The following UBASH3B variants were observed in gnomAD, a reference collection of about 807,000 sequenced individuals.
UBASH3B encodes ubiquitin-associated and SH3 domain-containing protein B.
In UBASH3B, 37 loss-of-function variants were observed where a neutral mutation model predicts 83.4. That is an observed-to-expected ratio of 0.44 (90% CI 0.34 to 0.58). The LOEUF is 0.58. Among genes scored for constraint, UBASH3B ranks in the 20% least tolerant of loss-of-function variants. The probability of loss-of-function intolerance (pLI) is 0.01; values close to 1 mark genes in which losing one functional copy is unlikely to be tolerated. For synonymous variants in UBASH3B, 304 were observed against 318.3 expected (o/e 0.96, Z 0.48); for missense variants, 657 against 827.2 (o/e 0.79, Z 2.52).
chr11:122,803,671 G>A (rs1328774788), intron 11 of UBASH3B, among the ~76,000 whole-genome samples: 3 of 152,178 alleles, frequency 2.0e-5, no homozygotes, highest in African/African-American at 7.2e-5. Context: ...GGGGACTGGG[G>A]GAGGGTATGG....
chr11:122,661,398 T>G (rs1473511744), intron 1 of UBASH3B, among the ~76,000 whole-genome samples: 1 of 152,226 alleles, frequency 6.6e-6, no homozygotes, highest in Non-Finnish European at 1.5e-5. Context: ...TTTTCCAGCT[T>G]ACCTGTTGGT....
At chr11:122,748,454 C>G (rs867572916) in intron 1 of UBASH3B, among the ~76,000 whole-genome samples, 2 of 152,196 alleles carry the variant, frequency 1.3e-5, no homozygotes, top group African/African-American at 4.8e-5. Flanking sequence ...CCTGTGCACT[C>G]GGAGAATTCT....
At chr11:122,674,190 G>T (rs1032401303) in intron 1 of UBASH3B, among the ~76,000 whole-genome samples, 2 of 152,218 alleles carry the variant, frequency 1.3e-5, no homozygotes, top group African/African-American at 4.8e-5. Context: ...ACACAGAGAT[G>T]TAAACGGTGC....
intron 1 of UBASH3B, among the ~76,000 whole-genome samples, chr11:122,769,151 A>G (rs917827497): frequency 6.6e-6 from 1 of 152,228 alleles, no homozygotes; most frequent in Non-Finnish European, 1.5e-5. Flanking sequence ...GCTTCTGTCA[A>G]GAACCTCAGG....
intron 1 of UBASH3B, among the ~76,000 whole-genome samples, chr11:122,696,063 C>G (rs1863961422): frequency 6.6e-6 from 1 of 152,150 alleles, no homozygotes; most frequent in Non-Finnish European, 1.5e-5. Flanking sequence ...GAATCTCCTG[C>G]CTCAGCCACC....
In UBASH3B at chr11:122,777,078, C is replaced by T. The variant is rs753533198; in HGVS notation, c.270C>T (p.Tyr90=). The T allele has an allele frequency of 6.2e-6, 10 of 1,613,730 alleles. No individual in the cohort carries two copies. The highest frequency in any genetic ancestry group is 1.7e-5 in the Admixed American group (1 of 59,974). Residue 90 remains tyrosine, a synonymous_variant, in exon 3 of 14, where the codon TAC becomes TAT. Coordinates refer to ENST00000284273, the MANE Select transcript of UBASH3B (RefSeq NM_032873.5). Reference sequence around the variant, plus strand: ...TGGATGACCCCCTGCCCCGGGAGTACGTCCTCTACCTCCGTCCCACCGGCC... The same window carrying T: ...TGGATGACCCCCTGCCCCGGGAGTATGTCCTCTACCTCCGTCCCACCGGCC... The part of the protein sequence containing the change: ...PFLDDPLPRE[Y]VLYLRPTGPL...
intron 11 of UBASH3B, 123 bp downstream of exon 11, chr11:122,801,455 G>A (rs1861258274): frequency 7.8e-6 from 9 of 1,150,724 alleles, no homozygotes; most frequent in Non-Finnish European, 1.1e-5. Flanking sequence ...CCATAGTGGT[G>A]GAAAACGAGC....
At chr11:122,784,546 A>C (rs1226786350) in intron 5 of UBASH3B, among the ~76,000 whole-genome samples, 6 of 152,312 alleles carry the variant, frequency 3.9e-5, no homozygotes, top group African/African-American at 1.4e-4. Context: ...TTCCAACTTA[A>C]CTACATTTAT....
intron 1 of UBASH3B, among the ~76,000 whole-genome samples, chr11:122,751,310 T>A (rs1252834751): frequency 1.3e-5 from 2 of 152,226 alleles, no homozygotes; most frequent in Admixed American, 1.3e-4. Flanking sequence ...CCCAGAAGCC[T>A]CCTGAATGCT....
chr11:122,679,787 C>T (rs926105105), intron 1 of UBASH3B, among the ~76,000 whole-genome samples: 1 of 152,066 alleles, frequency 6.6e-6, no homozygotes, highest in Non-Finnish European at 1.5e-5. Context: ...ATATAATTTC[C>T]ATCAGTCACA....
At chr11:122,784,959 A>G (rs6589953) in intron 5 of UBASH3B, among the ~76,000 whole-genome samples, 140,562 of 152,152 alleles carry the variant, frequency 0.92, 65,091 homozygotes, top group African/African-American at 0.97. Flanking sequence ...GGGAGGTGTG[A>G]CTGGTTGGAC....
At chr11:122,710,732 G>A (rs771676755) in intron 1 of UBASH3B, among the ~76,000 whole-genome samples, 1 of 152,224 alleles carries the variant, frequency 6.6e-6, no homozygotes, top group East Asian at 1.9e-4. Context: ...GGAGGGGGAC[G>A]GGGCATGTAG....
chr11:122,769,441 GA>G (rs1340720463), intron 1 of UBASH3B, among the ~76,000 whole-genome samples: 4 of 152,182 alleles, frequency 2.6e-5, no homozygotes, highest in Non-Finnish European at 5.9e-5. Context: ...TTTAAAGTCT[GA>G]AGTGCCTGGT....
rs146339030 is a variant in UBASH3B, at chr11:122,685,786, C to T, written c.161+29576C>T. Among the ~76,000 whole-genome samples, 115 of 152,378 alleles carry T rather than the reference C, an allele frequency of 7.5e-4. 1 individual carries two copies. The highest frequency in any genetic ancestry group is 2.7e-3 in the African/African-American group (114 of 41,598). Reference sequence around the variant, plus strand: ...CCACCCGCCTTGGCCTCCCAAAGTGCTGGGATTACAGGCGTGAGCTACCAC... The same window carrying T: ...CCACCCGCCTTGGCCTCCCAAAGTGTTGGGATTACAGGCGTGAGCTACCAC... On this transcript the variant is annotated intron_variant, in intron 1 of 13. Coordinates refer to ENST00000284273, the MANE Select transcript of UBASH3B (RefSeq NM_032873.5).
At chr11:122,681,261 C>T (rs1283543914) in intron 1 of UBASH3B, among the ~76,000 whole-genome samples, 1 of 152,136 alleles carries the variant, frequency 6.6e-6, no homozygotes, top group African/African-American at 2.4e-5. Flanking sequence ...TTTCTTGTGA[C>T]AAAATCCAAG....
intron 11 of UBASH3B, among the ~76,000 whole-genome samples, chr11:122,804,998 C>T (rs1418737924): frequency 6.6e-6 from 1 of 152,144 alleles, no homozygotes; most frequent in African/African-American, 2.4e-5. Context: ...GGCACCGGGA[C>T]AGGAAGCCTA....
chr11:122,719,215 A>T (rs146879861), intron 1 of UBASH3B, among the ~76,000 whole-genome samples: 1 of 152,320 alleles, frequency 6.6e-6, no homozygotes, highest in East Asian at 1.9e-4. Context: ...AATAATTGGG[A>T]GTGCCCGGAA....
chr11:122,800,673 A>G (rs1212770493), intron 10 of UBASH3B, among the ~76,000 whole-genome samples: 2 of 152,008 alleles, frequency 1.3e-5, no homozygotes, highest in Non-Finnish European at 2.9e-5. Flanking sequence ...CAGCTGCACA[A>G]TCTTGGCTCA....
In UBASH3B at chr11:122,789,087, C is replaced by T. The variant is rs774447691; in HGVS notation, c.772-13C>T. 3 of 1,608,214 alleles carry T rather than the reference C, an allele frequency of 1.9e-6. No homozygotes were observed. The highest frequency in any genetic ancestry group is 3.3e-5 in the Admixed American group (2 of 59,920). On this transcript the variant is annotated splice_polypyrimidine_tract_variant and intron_variant, in intron 5 of 13. Transcript: ENST00000284273. ...GAGGCATGGGGCTCACTCACCCTCT[C>T]TTCCTTTTCCAGACATTACAGGTCA...
Sources: allele counts gnomAD v4.1 joint callset (sites outside exome capture counted in the v4.1 genomes callset), GRCh38; gene constraint gnomAD v4.1.1; transcripts MANE v1.5; gene names NCBI Gene and HGNC (gene_info 2026-07-23, HGNC 2026-07-21).